STAT4: variants seen among roughly 807,000 people sequenced by gnomAD.
STAT4 encodes signal transducer and activator of transcription 4.
Under a neutral mutation model 110.5 loss-of-function variants are expected in STAT4, and 42 were observed. The ratio of observed to expected loss-of-function variants is 0.38; its 90% confidence interval spans 0.30 to 0.49. STAT4 has a LOEUF of 0.49. Among genes scored for constraint, STAT4 ranks in the 20% least tolerant of loss-of-function variants. The probability of loss-of-function intolerance (pLI) is 0.95; values close to 1 mark genes in which losing one functional copy is unlikely to be tolerated. For missense variants in STAT4, 632 were observed against 887.9 expected (o/e 0.71, Z 3.66); for synonymous variants, 284 against 302.2 (o/e 0.94, Z 0.63).
intron 8 of STAT4, among the ~76,000 whole-genome samples, chr2:191,063,988 G>A (rs575391937): frequency 2.0e-5 from 3 of 152,112 alleles, no homozygotes; most frequent in African/African-American, 7.2e-5. Flanking sequence ...TTTTCCAATT[G>A]TTCCTTCAAT....
chr2:191,069,747 AG>A lies in STAT4; in HGVS notation c.489del (p.Leu164Ter). 6.2e-7 allele frequency: 1 copy of A among 1,609,720 alleles called. No homozygotes were observed. Among genetic ancestry groups the A allele is most frequent in the East Asian group, 2.2e-5 (1 of 44,620 alleles). On this transcript the variant is annotated frameshift_variant, in exon 6 of 24. Transcript: ENST00000392320. LOFTEE classifies it high-confidence loss of function. ...TCAAATTCGTCTTGCAGATCTTCTA[AG>A]TATTTGGTATCTTGTTCTGTCATCT... ...SVQMTEQDTK[Y>X]LEDLQDEFDY... is the part of the protein sequence containing the mutation.
At chr2:191,105,584 A>G (rs1461549268) in intron 3 of STAT4, among the ~76,000 whole-genome samples, 3 of 152,234 alleles carry the variant, frequency 2.0e-5, no homozygotes, top group Admixed American at 6.5e-5. Context: ...CAGCAAAAGC[A>G]TAAGTAGAAA....
chr2:191,118,997 C>T lies in STAT4; in HGVS notation c.273+27616G>A, dbSNP rs533777546. On this transcript the variant is annotated intron_variant, in intron 3 of 23. Coordinates refer to ENST00000392320, the MANE Select transcript of STAT4 (RefSeq NM_003151.4). ...CCCAGGCTGGCCTTGAACTCCTGGC[C>T]TCAAGTAATCCTCCTATCTTGGCCT... is the stretch of plus-strand genomic sequence containing the variant. 5.9e-5 allele frequency among the ~76,000 whole-genome samples: 9 copies of T among 152,224 alleles called. No homozygotes were observed. The South Asian group carries it at 1.7e-3, about 28-fold the overall frequency.
intron 5 of STAT4, among the ~76,000 whole-genome samples, chr2:191,072,861 A>T (rs1269947677): frequency 6.6e-6 from 1 of 152,216 alleles, no homozygotes; most frequent in East Asian, 1.9e-4. Flanking sequence ...ACCAAAGCTC[A>T]TTCAAGAAGA....
In STAT4 at chr2:191,082,924, C is replaced by T. The variant is rs1347734277; in HGVS notation, c.274-6599G>A. Among the ~76,000 whole-genome samples, 1 of 152,124 alleles carries T rather than the reference C, an allele frequency of 6.6e-6. No homozygotes were observed. Among genetic ancestry groups the T allele is most frequent in the Non-Finnish European group, 1.5e-5 (1 of 68,030 alleles). On this transcript the variant is annotated intron_variant, in intron 3 of 23. Coordinates refer to ENST00000392320, the MANE Select transcript of STAT4 (RefSeq NM_003151.4). This position sits in a 1 kb window ranked among gnomAD's most constrained non-coding sequence, Gnocchi z 4.7. The stretch of plus-strand genomic sequence containing the variant: ...AAACACATTTGGAGGGTTAATACCA[C>T]ATTTAACAAATTTCTTCTGTATTGT...
intron 3 of STAT4, among the ~76,000 whole-genome samples, chr2:191,134,592 T>C (rs2125427457): frequency 6.6e-6 from 1 of 152,252 alleles, no homozygotes; most frequent in East Asian, 1.9e-4. Context: ...TGATGTTGTT[T>C]ATAGCCAAAG....
chr2:191,081,432 G>A (rs190250950), intron 3 of STAT4, among the ~76,000 whole-genome samples: 5 of 152,262 alleles, frequency 3.3e-5, no homozygotes, highest in African/African-American at 7.2e-5. Flanking sequence ...CTTCCACAAC[G>A]GTTGAACTAA....
rs756905537 is a variant in STAT4, at chr2:191,033,007, A to G, written c.1995T>C (p.Ile665=). ...GTTTACCGAAGGCTTTGTCTTTGGG[A>G]ATGTCAGGATATAGGTACTTCAGAG... The part of the protein sequence containing the change: ...ENPLKYLYPD[I]PKDKAFGKHY... The change falls in exon 21 of 24, where the codon ATT becomes ATC. Residue 665 remains isoleucine (I), a synonymous_variant. Transcript: ENST00000392320. This position sits in a 1 kb window ranked among gnomAD's most constrained non-coding sequence, Gnocchi z 6.9. The G allele has an allele frequency of 1.8e-5, 29 of 1,614,194 alleles. No homozygotes were observed. Among genetic ancestry groups the G allele is most frequent in the Middle Eastern group, 3.3e-4 (2 of 6,060 alleles).
In STAT4 at chr2:191,143,740, A is replaced by C. The variant is rs1699391991; in HGVS notation, c.273+2873T>G. On this transcript the variant is annotated intron_variant, in intron 3 of 23. Coordinates refer to ENST00000392320, the MANE Select transcript of STAT4 (RefSeq NM_003151.4). The surrounding 1 kb of genome is among the most constrained non-coding windows in gnomAD (Gnocchi z 5.6). ...TGGTTTGTATTTAAAATCCCAGAGG[A>C]TGAAAATATTTAAACCAGATAAGCA... is the stretch of plus-strand genomic sequence containing the variant. Among the ~76,000 whole-genome samples the C allele has an allele frequency of 6.6e-6, 1 of 152,146 alleles. No individual in the cohort carries two copies. Among genetic ancestry groups the C allele is most frequent in the Non-Finnish European group, 1.5e-5 (1 of 68,032 alleles).
chr2:191,105,990 C>G (rs773421166), intron 3 of STAT4, among the ~76,000 whole-genome samples: 3 of 152,090 alleles, frequency 2.0e-5, no homozygotes, highest in African/African-American at 7.2e-5. Context: ...GCTGTGAAGA[C>G]GACAGGGGAA....
At chr2:191,069,856 C>G in intron 5 of STAT4, 85 bp from the exon 6 acceptor site, 2 of 1,038,520 alleles carry the variant, frequency 1.9e-6, no homozygotes, top group Non-Finnish European at 2.8e-6. Context: ...TAAAAAACTG[C>G]TTGGTGCTTC....
intron 3 of STAT4, among the ~76,000 whole-genome samples, chr2:191,081,074 G>A (rs760396079): frequency 6.6e-6 from 1 of 152,156 alleles, no homozygotes; most frequent in Non-Finnish European, 1.5e-5. Context: ...TCCCACTTAT[G>A]AGTGAGAACA....
chr2:191,034,513 ATGT>A (rs1559037078), intron 18 of STAT4, 32 bp downstream of exon 18: 1 of 1,553,950 alleles, frequency 6.4e-7, no homozygotes, highest in Non-Finnish European at 8.9e-7. Context: ...TATTAAAAAA[ATGT>A]ATCTAAATGA....
At chr2:191,071,400 G>A (rs1168713156) in intron 5 of STAT4, among the ~76,000 whole-genome samples, 1 of 152,186 alleles carries the variant, frequency 6.6e-6, no homozygotes, top group African/African-American at 2.4e-5. Context: ...CTACATGCAT[G>A]AGAAAATGTA....
At chr2:191,109,726 A>G (rs1324978301) in intron 3 of STAT4, among the ~76,000 whole-genome samples, 1 of 152,138 alleles carries the variant, frequency 6.6e-6, no homozygotes, top group African/African-American at 2.4e-5. Flanking sequence ...GGTACTTAGA[A>G]TGTTTTCATT....
chr2:191,148,056 G>T lies in STAT4; in HGVS notation c.128+20C>A. 6.2e-7 allele frequency: 1 copy of T among 1,612,854 alleles called. No individual in the cohort carries two copies. The highest frequency in any genetic ancestry group is 8.5e-7 in the Non-Finnish European group (1 of 1,179,376). ...AGACATTTGTGCATCAACTTCTAGG[G>T]AAAATATGTTTGATCCTACCAGTCT... On this transcript the variant is annotated intron_variant, in intron 2 of 23. Coordinates refer to ENST00000392320, the MANE Select transcript of STAT4 (RefSeq NM_003151.4).
chr2:191,130,221 T>C (rs901072684), intron 3 of STAT4, among the ~76,000 whole-genome samples: 1 of 16,674 alleles, frequency 6.0e-5, no homozygotes, highest in Middle Eastern at 0.019. Context: ...TCTATCTCCC[T>C]TTTTTTTTTT....
At chr2:191,101,225 C>T (rs187256697) in intron 3 of STAT4, among the ~76,000 whole-genome samples, 122 of 152,136 alleles carry the variant, frequency 8.0e-4, no homozygotes, top group African/African-American at 2.8e-3. Context: ...AAAAATCACC[C>T]ACAATCACAA....
In STAT4 at chr2:191,113,072, T is replaced by C. The variant is rs1336203816; in HGVS notation, c.273+33541A>G. Among the ~76,000 whole-genome samples the C allele has an allele frequency of 6.6e-6, 1 of 152,316 alleles. No homozygotes were observed. The highest frequency in any genetic ancestry group is 1.9e-4 in the East Asian group (1 of 5,188). ...CAGTTGTGCTGGTCTAAGCTCCCCA[T>C]GTCTCATTGCTTTCCTGCCTCTGTG... On this transcript the variant is annotated intron_variant, in intron 3 of 23. Transcript: ENST00000392320. The surrounding 1 kb of genome is among the most constrained non-coding windows in gnomAD (Gnocchi z 4.8).
Sources: allele counts gnomAD v4.1 joint callset (sites outside exome capture counted in the v4.1 genomes callset), GRCh38; gene constraint gnomAD v4.1.1; non-coding constraint Gnocchi (gnomAD v3.1); transcripts MANE v1.5; gene names NCBI Gene and HGNC (gene_info 2026-07-23, HGNC 2026-07-21).